Variants in SDK1 observed in about 807,000 individuals in gnomAD.
The protein encoded by SDK1 is protein sidekick-1.
SDK1 carries 157 observed loss-of-function variants against 245.5 expected under a neutral mutation model. The observed-to-expected ratio is 0.64, with a 90% CI of 0.56 to 0.73. SDK1 has a LOEUF of 0.73. SDK1 is among the 30% of genes least tolerant of loss of function. The pLI is 0.00. For synonymous variants in SDK1, 1,647 were observed against 1,278.5 expected (o/e 1.29, Z -6.15); for missense variants, 3,583 against 3,002.3 (o/e 1.19, Z -4.52).
At chr7:4,261,248 A>C (rs1418937543) in intron 44 of SDK1, among the ~76,000 whole-genome samples, 2 of 151,980 alleles carry the variant, frequency 1.3e-5, no homozygotes, top group African/African-American at 2.4e-5. Flanking sequence ...CCGGGTGCTG[A>C]TGTGGGTAAT....
intron 1 of SDK1, among the ~76,000 whole-genome samples, chr7:3,314,915 T>C (rs1410577630): frequency 6.6e-6 from 1 of 151,982 alleles, no homozygotes; most frequent in African/African-American, 2.4e-5. Context: ...TTTTTAAAAC[T>C]AAACCTCATT....
At chr7:4,106,807 G>T (rs1364491352) in intron 22 of SDK1, among the ~76,000 whole-genome samples, 2 of 151,918 alleles carry the variant, frequency 1.3e-5, no homozygotes, top group Non-Finnish European at 2.9e-5. Flanking sequence ...CGTGGGGGTG[G>T]AACAGCCCTG....
intron 1 of SDK1, among the ~76,000 whole-genome samples, chr7:3,412,223 C>T (rs913630063): frequency 7.9e-5 from 12 of 152,138 alleles, no homozygotes; most frequent in Non-Finnish European, 1.5e-4. Context: ...TGAAAAGCCC[C>T]TTTTCCTGCC....
At chr7:3,632,259 T>G (rs1182561757) in intron 2 of SDK1, among the ~76,000 whole-genome samples, 2 of 152,218 alleles carry the variant, frequency 1.3e-5, no homozygotes, top group Admixed American at 6.5e-5. Context: ...GCCCCTGATT[T>G]AATAAGGAAA....
chr7:3,775,426 A>T (rs1219201057), intron 4 of SDK1, among the ~76,000 whole-genome samples: 13 of 148,466 alleles, frequency 8.8e-5, no homozygotes, highest in African/African-American at 3.0e-4. Flanking sequence ...CTTTTTTTTT[A>T]TTTTATTTTT....
intron 4 of SDK1, among the ~76,000 whole-genome samples, chr7:3,684,318 C>A (rs1784207281): frequency 6.6e-6 from 1 of 152,216 alleles, no homozygotes; most frequent in South Asian, 2.1e-4. Flanking sequence ...CAAGCTGCAG[C>A]TACAAAGCAA....
At chr7:4,195,835 A>G (rs1183866733) in intron 35 of SDK1, among the ~76,000 whole-genome samples, 2 of 152,116 alleles carry the variant, frequency 1.3e-5, no homozygotes, top group East Asian at 1.9e-4. Flanking sequence ...GCCTCTCGGC[A>G]GCAGCAGCCA....
At chr7:3,428,836 C>G (rs1253322067) in intron 1 of SDK1, among the ~76,000 whole-genome samples, 7 of 151,920 alleles carry the variant, frequency 4.6e-5, no homozygotes, top group Admixed American at 4.6e-4. Context: ...ATAAAAAATC[C>G]CTGGAAAGGA....
intron 1 of SDK1, among the ~76,000 whole-genome samples, chr7:3,560,062 G>A (rs982875963): frequency 2.6e-5 from 4 of 152,192 alleles, no homozygotes; most frequent in African/African-American, 9.6e-5. Context: ...ACATTTCTTT[G>A]AAGCCTGGTG....
Position 3,967,411 on chromosome 7 carries a change from A to G in SDK1, c.1523A>G (p.Lys508Arg), listed in dbSNP as rs1782160202. 2.5e-6 allele frequency: 4 copies of G among 1,613,736 alleles called. No homozygotes were observed. The highest frequency in any genetic ancestry group is 3.4e-6 in the Non-Finnish European group (4 of 1,179,626). Reference sequence around the variant, plus strand: ...AGGTGTGAGGTGTCCGGGGCTCCCAAACCCGCCATCACCTGGAAAAGAGGT... The same window carrying G: ...AGGTGTGAGGTGTCCGGGGCTCCCAGACCCGCCATCACCTGGAAAAGAGGT... ...ILRCEVSGAPKPAITWKRENH... is the reference protein window; with the variant it reads ...ILRCEVSGAPRPAITWKRENH... The change falls in exon 10 of 45, where the codon AAA (lysine) becomes AGA (arginine). Residue 508 changes from lysine to arginine, a missense_variant. Coordinates refer to ENST00000404826, the MANE Select transcript of SDK1 (RefSeq NM_152744.4).
chr7:3,789,173 G>A (rs1317797194), intron 4 of SDK1, among the ~76,000 whole-genome samples: 1 of 151,992 alleles, frequency 6.6e-6, no homozygotes, highest in Non-Finnish European at 1.5e-5. Context: ...TTTGGACGGA[G>A]TTTCACTCCT....
In SDK1 at chr7:3,389,353, A is replaced by G. The variant is rs998336493; in HGVS notation, c.298+87469A>G. Among the ~76,000 whole-genome samples, 3 of 152,170 alleles carry G rather than the reference A, an allele frequency of 2.0e-5. No homozygotes were observed. The East Asian group carries it at 5.8e-4, about 29-fold the overall frequency. On this transcript the variant is annotated intron_variant, in intron 1 of 44. Transcript: ENST00000404826. Reference sequence around the variant, plus strand: ...GACCTTATAAGAGAGAGGAAACAGGATATTTAACTAAAGAGAAGACAACTA... The same window carrying G: ...GACCTTATAAGAGAGAGGAAACAGGGTATTTAACTAAAGAGAAGACAACTA...
At chr7:3,596,457 G>C (rs939526577) in intron 1 of SDK1, among the ~76,000 whole-genome samples, 5 of 152,134 alleles carry the variant, frequency 3.3e-5, no homozygotes, top group Admixed American at 6.5e-5. Context: ...ATTTTTAATT[G>C]AGGTAAAATG....
intron 30 of SDK1, among the ~76,000 whole-genome samples, chr7:4,157,364 GGGAGGAA>G (rs1780803446): frequency 8.1e-6 from 1 of 123,558 alleles, no homozygotes; most frequent in Non-Finnish European, 1.7e-5. Context: ...AAAGTGGGAA[GGGAGGAA>G]GAAGGGAGAG....
chr7:4,110,550 G>GA, intron 22 of SDK1, 113 bp from the exon 23 acceptor site: 1 of 717,544 alleles, frequency 1.4e-6, no homozygotes, highest in Non-Finnish European at 2.5e-6. Flanking sequence ...CAGGTGTGGG[G>GA]ACGCCTTGCA....
intron 26 of SDK1, 58 bp downstream of exon 26, chr7:4,127,554 C>A (rs749700216): frequency 2.1e-5 from 26 of 1,253,052 alleles, no homozygotes; most frequent in Non-Finnish European, 2.9e-5. Context: ...GAAATGGGAG[C>A]ATGTGCTATT....
At chr7:3,582,043 G>C (rs1436067459) in intron 1 of SDK1, among the ~76,000 whole-genome samples, 2 of 151,214 alleles carry the variant, frequency 1.3e-5, no homozygotes, top group Non-Finnish European at 3.0e-5. Flanking sequence ...GTCTCAGGTA[G>C]GTCTCCCTCA....
chr7:3,855,653 A>C (rs996408623), intron 5 of SDK1, among the ~76,000 whole-genome samples: 1 of 152,172 alleles, frequency 6.6e-6, no homozygotes, highest in African/African-American at 2.4e-5. Context: ...AATGTGGGGG[A>C]GGTAATGTAC....
chr7:3,690,314 T>C (rs1347281830), intron 4 of SDK1, among the ~76,000 whole-genome samples: 2 of 152,206 alleles, frequency 1.3e-5, no homozygotes, highest in Non-Finnish European at 2.9e-5. Flanking sequence ...ATATTGATTT[T>C]TTTTTACTGT....
Sources: gnomAD v4.1 joint callset for allele counts (sites outside exome capture counted in the v4.1 genomes callset) on GRCh38, gnomAD v4.1.1 for gene constraint, MANE v1.5 for transcripts, NCBI Gene and HGNC (gene_info 2026-07-23, HGNC 2026-07-21) for gene names.